The following SGIP1 variants were observed in gnomAD, a reference collection of about 807,000 sequenced individuals.
SGIP1 encodes SH3-containing GRB2-like protein 3-interacting protein 1.
A neutral mutation model predicts 107.5 loss-of-function variants in SGIP1; 38 were observed. The observed-to-expected ratio is 0.35, with a 90% CI of 0.27 to 0.46. The LOEUF (loss-of-function observed/expected upper bound fraction) is 0.46, where lower values mean the gene tolerates loss of function less well. SGIP1 is among the 20% of genes least tolerant of loss of function. SGIP1 has a pLI of 1.00. For synonymous variants in SGIP1, 365 were observed against 366.1 expected, an observed-to-expected ratio of 1.00 and a Z score of 0.03; for missense variants, 929 against 1,019.5, an observed-to-expected ratio of 0.91 and a Z score of 1.21.
intron 1 of SGIP1, among the ~76,000 whole-genome samples, chr1:66,581,959 A>G (rs1432581504): frequency 6.6e-6 from 1 of 152,116 alleles, no homozygotes; most frequent in African/African-American, 2.4e-5. Flanking sequence ...AAAATTATAC[A>G]AAAAGAAAAG....
intron 16 of SGIP1, 89 bp from the exon 17 acceptor site, chr1:66,690,101 A>G: frequency 1.4e-6 from 2 of 1,468,640 alleles, no homozygotes; most frequent in South Asian, 1.2e-5. Flanking sequence ...CTAAGTTGTC[A>G]TATCTGGGGC....
chr1:66,740,182 G>T (rs940974748), intron 22 of SGIP1, among the ~76,000 whole-genome samples: 2 of 152,150 alleles, frequency 1.3e-5, no homozygotes, highest in African/African-American at 4.8e-5. Flanking sequence ...ACTAGAGAAG[G>T]TATGGGACTA....
At chr1:66,709,909 C>G (rs1426030037) in intron 18 of SGIP1, among the ~76,000 whole-genome samples, 1 of 151,932 alleles carries the variant, frequency 6.6e-6, no homozygotes, top group Non-Finnish European at 1.5e-5. Context: ...ATAAGACTAT[C>G]AAAACACTCA....
In SGIP1 at chr1:66,750,615, T is replaced by G. The variant is rs1020961743; in HGVS notation, c.*7520T>G. 7.9e-5 allele frequency among the ~76,000 whole-genome samples: 12 copies of G among 152,224 alleles called. No individual in the cohort carries two copies. Among genetic ancestry groups the G allele is most frequent in the Non-Finnish European group, 1.2e-4 (8 of 68,044 alleles). On this transcript the variant is annotated 3_prime_UTR_variant, in exon 25 of 25. Transcript: ENST00000371037. ...TGTGAATTAAAATACTCAAGATACTTTCAAAATTTAGTCAAAATGTTGATT... is the reference window on the plus strand; with the variant it reads ...TGTGAATTAAAATACTCAAGATACTGTCAAAATTTAGTCAAAATGTTGATT...
Position 66,660,502 on chromosome 1 carries a change from T to TA in SGIP1, c.460-10dup. ...TCTCTTTATTCTTCCTCCCCATGCCTACGCTTTTAGAGGAAAAGTCCGGTA... is the reference window on the plus strand; with the variant it reads ...TCTCTTTATTCTTCCTCCCCATGCCTAACGCTTTTAGAGGAAAAGTCCGGTA... On this transcript the variant is annotated splice_polypyrimidine_tract_variant and intron_variant, in intron 7 of 24. Coordinates refer to ENST00000371037, the MANE Select transcript of SGIP1 (RefSeq NM_032291.4). 6.2e-7 allele frequency: 1 copy of TA among 1,609,780 alleles called. No individual in the cohort carries two copies. Among genetic ancestry groups the TA allele is most frequent in the Non-Finnish European group, 8.5e-7 (1 of 1,176,148 alleles).
At chr1:66,689,664 A>G (rs2150092489) in intron 16 of SGIP1, among the ~76,000 whole-genome samples, 1 of 152,358 alleles carries the variant, frequency 6.6e-6, no homozygotes, top group Middle Eastern at 3.4e-3. Context: ...CATGATGTGA[A>G]TATACAGTGA....
intron 18 of SGIP1, among the ~76,000 whole-genome samples, chr1:66,709,063 G>C (rs2092722422): frequency 6.6e-6 from 1 of 151,446 alleles, no homozygotes; most frequent in African/African-American, 2.4e-5. Context: ...CAGAGTTCTG[G>C]GATACATGCG....
At chr1:66,598,550 G>A (rs1347330229) in intron 1 of SGIP1, among the ~76,000 whole-genome samples, 2 of 152,088 alleles carry the variant, frequency 1.3e-5, no homozygotes, top group South Asian at 2.1e-4. Flanking sequence ...ATTGGCCCAC[G>A]GTTCTGCAGG....
intron 7 of SGIP1, among the ~76,000 whole-genome samples, chr1:66,644,987 G>A (rs2077418758): frequency 6.6e-6 from 1 of 151,886 alleles, no homozygotes; most frequent in South Asian, 2.1e-4. Context: ...TATTTTAAAA[G>A]CACACTCTTT....
chr1:66,732,277 A>G (rs752790146), intron 20 of SGIP1, among the ~76,000 whole-genome samples: 6 of 152,184 alleles, frequency 3.9e-5, no homozygotes, highest in Non-Finnish European at 8.8e-5. Context: ...TATTAGCTGC[A>G]TGACCTTAAG....
intron 17 of SGIP1, chr1:66,695,116 G>T (rs1383628775): frequency 8.7e-6 from 4 of 458,410 alleles, no homozygotes; most frequent in Non-Finnish European, 1.5e-5. Flanking sequence ...AATTAGTGCA[G>T]TTAAAATATG....
chr1:66,621,307 C>T (rs2071035174), intron 1 of SGIP1, among the ~76,000 whole-genome samples: 1 of 152,180 alleles, frequency 6.6e-6, no homozygotes, highest in African/African-American at 2.4e-5. Flanking sequence ...AAACCAAAAG[C>T]AGTAACATGT....
intron 3 of SGIP1, among the ~76,000 whole-genome samples, chr1:66,633,560 T>G (rs1433789905): frequency 6.6e-6 from 1 of 152,186 alleles, no homozygotes; most frequent in Non-Finnish European, 1.5e-5. Context: ...GAGATGGTCT[T>G]GAAAACCACT....
intron 1 of SGIP1, among the ~76,000 whole-genome samples, chr1:66,613,369 G>A (rs76562522): frequency 0.028 from 4,312 of 152,110 alleles, 195 homozygotes; most frequent in African/African-American, 0.096. Context: ...TCACTCTGTC[G>A]TCCACGAGGG....
intron 1 of SGIP1, among the ~76,000 whole-genome samples, chr1:66,555,119 C>G (rs980700143): frequency 1.4e-4 from 22 of 152,102 alleles, no homozygotes; most frequent in Non-Finnish European, 4.4e-5. Flanking sequence ...CACTGTAAAT[C>G]TGAACATTAT....
intron 12 of SGIP1, among the ~76,000 whole-genome samples, chr1:66,673,585 C>A (rs2149868353): frequency 6.6e-6 from 1 of 152,250 alleles, no homozygotes; most frequent in Admixed American, 6.5e-5. Context: ...TATCTAATAG[C>A]TAAGAAGCTC....
chr1:66,568,433 T>C (rs1488670826), intron 1 of SGIP1, among the ~76,000 whole-genome samples: 1 of 152,104 alleles, frequency 6.6e-6, no homozygotes. Context: ...AATCATGTCA[T>C]CTGCAAACAG....
At chr1:66,641,655 G>A (rs1165859073) in intron 5 of SGIP1, among the ~76,000 whole-genome samples, 1 of 152,160 alleles carries the variant, frequency 6.6e-6, no homozygotes, top group African/African-American at 2.4e-5. Flanking sequence ...TGCTTGTTAT[G>A]TGGCTCAGTG....
At chr1:66,663,217 T>C (rs2081897325) in intron 8 of SGIP1, among the ~76,000 whole-genome samples, 1 of 150,920 alleles carries the variant, frequency 6.6e-6, no homozygotes, top group African/African-American at 2.4e-5. Context: ...CAGCACCCCC[T>C]CCCCATCCCC....
Sources: allele counts gnomAD v4.1 joint callset (sites outside exome capture counted in the v4.1 genomes callset), GRCh38; gene constraint gnomAD v4.1.1; transcripts MANE v1.5; gene names NCBI Gene and HGNC (gene_info 2026-07-23, HGNC 2026-07-21).